Variants in PDK1 observed in about 807,000 individuals in gnomAD.
PDK1 encodes the protein [Pyruvate dehydrogenase (acetyl-transferring)] kinase isozyme 1, mitochondrial.
A neutral mutation model predicts 54.2 loss-of-function variants in PDK1; 39 were observed. The observed-to-expected ratio is 0.72, with a 90% CI of 0.56 to 0.94. The LOEUF (loss-of-function observed/expected upper bound fraction) is 0.94. PDK1 is among the 40% of genes least tolerant of loss of function. The pLI, the probability that PDK1 is intolerant of heterozygous loss-of-function variation, is 0.00. For missense variants in PDK1, 552 were observed against 566.0 expected, an observed-to-expected ratio of 0.98 and a Z score of 0.25; for synonymous variants, 221 against 207.1, an observed-to-expected ratio of 1.07 and a Z score of -0.58.
In PDK1 at chr2:172,591,380, A is replaced by G. The variant is rs114562169; in HGVS notation, c.1057-1555A>G. 1.0e-2 allele frequency among the ~76,000 whole-genome samples: 1,519 copies of G among 152,294 alleles called. 34 individuals are homozygous for G. Among genetic ancestry groups the G allele is most frequent in the African/African-American group, 0.035 (1,441 of 41,558 alleles). ...CCTGACTGGTTAGTGTAAAAACAACATTCTTCTCCTAAGAAGGTGCAGAGT... is the reference window on the plus strand; with the variant it reads ...CCTGACTGGTTAGTGTAAAAACAACGTTCTTCTCCTAAGAAGGTGCAGAGT... On this transcript the variant is annotated intron_variant, in intron 9 of 10. Transcript: ENST00000282077.
chr2:172,567,513 C>CT (rs1230919852), intron 6 of PDK1, among the ~76,000 whole-genome samples: 1 of 152,162 alleles, frequency 6.6e-6, no homozygotes, highest in Non-Finnish European at 1.5e-5. Context: ...TAAGATGACA[C>CT]TTTAAGAAGG....
the PDK1 span, among the ~76,000 whole-genome samples, chr2:172,620,523 C>T: frequency 6.6e-6 from 1 of 152,252 alleles, no homozygotes; most frequent in South Asian, 2.1e-4. Flanking sequence ...TATGCAGGCT[C>T]ATTCTGTGGG....
At chr2:172,629,862 G>A in the PDK1 span, among the ~76,000 whole-genome samples, 8 of 152,128 alleles carry the variant, frequency 5.3e-5, no homozygotes, top group Admixed American at 2.6e-4. Context: ...CATGCTCCCC[G>A]TCCTGTGAAG....
chr2:172,708,473 A>C, the PDK1 span, among the ~76,000 whole-genome samples: 1 of 152,346 alleles, frequency 6.6e-6, no homozygotes, highest in East Asian at 1.9e-4. Flanking sequence ...GCTTGGTTTA[A>C]GAGAGTTAAA....
the PDK1 span, among the ~76,000 whole-genome samples, chr2:172,631,826 C>T: frequency 1.3e-5 from 2 of 152,138 alleles, no homozygotes; most frequent in African/African-American, 4.8e-5. Context: ...TAAATCATCC[C>T]TTTTCTATGC....
At chr2:172,698,441 A>G in the PDK1 span, among the ~76,000 whole-genome samples, 1 of 152,172 alleles carries the variant, frequency 6.6e-6, no homozygotes, top group Non-Finnish European at 1.5e-5. Context: ...CTTCCACCCA[A>G]ACTACTACAG....
intron 2 of PDK1, 90 bp downstream of exon 2, chr2:172,558,939 A>G (rs1688506929): frequency 2.3e-6 from 3 of 1,302,694 alleles, no homozygotes; most frequent in Non-Finnish European, 3.2e-6. Flanking sequence ...CTTTGGTGGA[A>G]TCTTTTTTGT....
chr2:172,677,907 G>A, the PDK1 span, among the ~76,000 whole-genome samples: 5 of 152,266 alleles, frequency 3.3e-5, no homozygotes, highest in South Asian at 2.1e-4. Context: ...GGTAGCTCAC[G>A]CCTGTAATCC....
chr2:172,562,118 TA>T, intron 2 of PDK1, 101 bp from the exon 3 acceptor site: 1 of 673,786 alleles, frequency 1.5e-6, no homozygotes, highest in African/African-American at 1.8e-5. Context: ...TATTCTAAAT[TA>T]AAAATTATAA....
chr2:172,641,065 G>GTC, the PDK1 span, among the ~76,000 whole-genome samples: 1 of 114,870 alleles, frequency 8.7e-6, no homozygotes, highest in Non-Finnish European at 1.8e-5. Context: ...TTCTTTCCTT[G>GTC]TCTCTCTCTC....
At chr2:172,593,394 A>C (rs1453709851) in intron 10 of PDK1, among the ~76,000 whole-genome samples, 1 of 152,074 alleles carries the variant, frequency 6.6e-6, no homozygotes, top group African/African-American at 2.4e-5. Context: ...TTTTTTTTGT[A>C]TATGGGTCTG....
At chr2:172,664,063 G>C in the PDK1 span, among the ~76,000 whole-genome samples, 9 of 149,930 alleles carry the variant, frequency 6.0e-5, no homozygotes, top group Non-Finnish European at 1.2e-4. Context: ...TGTAATCCCA[G>C]CACTTTGGGA....
chr2:172,566,722 C>T, intron 5 of PDK1, 134 bp from the exon 6 acceptor site: 5 of 332,642 alleles, frequency 1.5e-5, no homozygotes, highest in South Asian at 4.9e-5. Flanking sequence ...AGCAGACTTT[C>T]ACCAAACTAT....
Position 172,596,021 on chromosome 2 carries a change from A to G in PDK1, c.*52A>G. 1 of 1,513,084 alleles carries G rather than the reference A, an allele frequency of 6.6e-7. No homozygotes were observed. Among genetic ancestry groups the G allele is most frequent in the South Asian group, 1.2e-5 (1 of 84,950 alleles). The allele number at this position is 1,513,084 out of a possible 1,614,324, so 93.7% of individuals were successfully genotyped here. ...AATGTGGCTTTTGTATTAAATTTGGAAGGTATGGTGTTCAGAACTATATTA... is the reference window on the plus strand; with the variant it reads ...AATGTGGCTTTTGTATTAAATTTGGGAGGTATGGTGTTCAGAACTATATTA... On this transcript the variant is annotated 3_prime_UTR_variant, in exon 11 of 11. Transcript: ENST00000282077.
At chr2:172,651,873 G>A in the PDK1 span, among the ~76,000 whole-genome samples, 543 of 152,262 alleles carry the variant, frequency 3.6e-3, 5 homozygotes, top group Admixed American at 0.023. Context: ...ATTCACAGCC[G>A]AATTCTACCA....
chr2:172,636,401 A>G, the PDK1 span, among the ~76,000 whole-genome samples: 1 of 152,150 alleles, frequency 6.6e-6, no homozygotes, highest in East Asian at 1.9e-4. Context: ...TCTTTTAAAC[A>G]ATCATATTCT....
chr2:172,694,581 A>C, the PDK1 span, among the ~76,000 whole-genome samples: 1 of 152,118 alleles, frequency 6.6e-6, no homozygotes, highest in Non-Finnish European at 1.5e-5. Flanking sequence ...TGGTGTGTCT[A>C]AGTCATTCCA....
the PDK1 span, among the ~76,000 whole-genome samples, chr2:172,696,385 T>C: frequency 2.0e-5 from 3 of 152,176 alleles, no homozygotes; most frequent in African/African-American, 4.8e-5. Context: ...TGGCAATATA[T>C]AGTTCATGCA....
chr2:172,654,540 C>T, the PDK1 span, among the ~76,000 whole-genome samples: 1 of 147,804 alleles, frequency 6.8e-6, no homozygotes, highest in Admixed American at 6.9e-5. Context: ...TGTTCTCACT[C>T]ATAGGTGGGA....
Sources: gnomAD v4.1 joint callset for allele counts (sites outside exome capture counted in the v4.1 genomes callset) on GRCh38, gnomAD v4.1.1 for gene constraint, MANE v1.5 for transcripts, NCBI Gene and HGNC (gene_info 2026-07-23, HGNC 2026-07-21) for gene names.